CNTN5: variants seen among roughly 807,000 people sequenced by gnomAD.
CNTN5 encodes the protein contactin 5.
In CNTN5, 77 loss-of-function variants were observed where a neutral mutation model predicts 129.1. The observed-to-expected ratio is 0.60, with a 90% CI of 0.50 to 0.72. The LOEUF (loss-of-function observed/expected upper bound fraction) is 0.72, where lower values mean the gene tolerates loss of function less well. Among genes scored for constraint, CNTN5 ranks in the 30% least tolerant of loss-of-function variants. The pLI is 0.00. For synonymous variants in CNTN5, 509 were observed against 465.6 expected (o/e 1.09, Z -1.20); for missense variants, 1,478 against 1,328.8 (o/e 1.11, Z -1.75).
At chr11:99,699,063 A>G (rs1954401336) in intron 3 of CNTN5, among the ~76,000 whole-genome samples, 1 of 151,472 alleles carries the variant, frequency 6.6e-6, no homozygotes, top group South Asian at 2.1e-4. Flanking sequence ...ATCATGGTAT[A>G]TCTTTCATGA....
At chr11:99,240,653 G>GT (rs1227465095) in intron 1 of CNTN5, among the ~76,000 whole-genome samples, 3 of 151,960 alleles carry the variant, frequency 2.0e-5, no homozygotes, top group African/African-American at 7.3e-5. Flanking sequence ...CTTTTTAGAA[G>GT]TTTTTATCAT....
intron 1 of CNTN5, among the ~76,000 whole-genome samples, chr11:99,076,701 G>GT (rs1865591726): frequency 6.6e-6 from 1 of 151,768 alleles, no homozygotes; most frequent in South Asian, 2.1e-4. Context: ...GACATGATTT[G>GT]TTAAAAAAAA....
chr11:100,000,925 T>C (rs1939826290), intron 8 of CNTN5, among the ~76,000 whole-genome samples: 1 of 152,108 alleles, frequency 6.6e-6, no homozygotes, highest in South Asian at 2.1e-4. Flanking sequence ...TTGGAGCAGC[T>C]AGAACACGAG....
At chr11:99,748,281 A>G (rs1944122412) in intron 3 of CNTN5, among the ~76,000 whole-genome samples, 1 of 152,012 alleles carries the variant, frequency 6.6e-6, no homozygotes, top group Non-Finnish European at 1.5e-5. Context: ...AAATATTGGG[A>G]TTAATTATTC....
chr11:100,011,971 A>G (rs1334854652), intron 9 of CNTN5, among the ~76,000 whole-genome samples: 2 of 152,124 alleles, frequency 1.3e-5, no homozygotes, highest in Non-Finnish European at 2.9e-5. Context: ...TGATTTATTA[A>G]TACTGTTTAT....
chr11:100,156,456 A>T (rs930566951), intron 13 of CNTN5, among the ~76,000 whole-genome samples: 4 of 152,024 alleles, frequency 2.6e-5, no homozygotes, highest in Non-Finnish European at 4.4e-5. Flanking sequence ...TATCGGCCTG[A>T]AATTATCTTT....
chr11:99,608,824 A>T (rs1226390764), intron 3 of CNTN5, among the ~76,000 whole-genome samples: 1 of 152,212 alleles, frequency 6.6e-6, no homozygotes, highest in Non-Finnish European at 1.5e-5. Context: ...TTATGACAAG[A>T]ACAATGTGTG....
intron 8 of CNTN5, among the ~76,000 whole-genome samples, chr11:99,995,708 C>T (rs1939398169): frequency 6.6e-6 from 1 of 152,198 alleles, no homozygotes; most frequent in Admixed American, 6.5e-5. Flanking sequence ...ACAGTCTCCT[C>T]AGAGAAGCAT....
At chr11:100,246,810 G>A (rs1245632197) in intron 16 of CNTN5, among the ~76,000 whole-genome samples, 1 of 151,982 alleles carries the variant, frequency 6.6e-6, no homozygotes, top group East Asian at 1.9e-4. Flanking sequence ...TTAAGTCAAC[G>A]ACTACACTAA....
intron 1 of CNTN5, among the ~76,000 whole-genome samples, chr11:99,023,509 A>G (rs1275235066): frequency 6.6e-6 from 1 of 152,156 alleles, no homozygotes; most frequent in Non-Finnish European, 1.5e-5. Flanking sequence ...TTACTTCTAG[A>G]CAAAATAAAG....
chr11:99,217,277 TA>T (rs5793979), intron 1 of CNTN5, among the ~76,000 whole-genome samples: 116,030 of 152,036 alleles, frequency 0.76, 44,591 homozygotes, highest in East Asian at 0.99. Context: ...AGATCTGTCT[TA>T]AGACATTTAT....
chr11:99,748,530 A>G (rs1353372300), intron 3 of CNTN5, among the ~76,000 whole-genome samples: 6 of 152,138 alleles, frequency 3.9e-5, no homozygotes. Context: ...AAGCTGGAGA[A>G]CTAGAAAAGC....
chr11:99,272,039 C>T (rs577159145), intron 1 of CNTN5, among the ~76,000 whole-genome samples: 7 of 151,918 alleles, frequency 4.6e-5, no homozygotes, highest in Non-Finnish European at 1.0e-4. Context: ...TTCAGTCAAC[C>T]CTACAAGGTT....
chr11:100,182,029 A>G (rs1948152093), intron 13 of CNTN5, among the ~76,000 whole-genome samples: 1 of 152,082 alleles, frequency 6.6e-6, no homozygotes, highest in South Asian at 2.1e-4. Flanking sequence ...AGAGTAAAGT[A>G]AAAGGACTTA....
intron 17 of CNTN5, among the ~76,000 whole-genome samples, chr11:100,256,738 G>A (rs1044037805): frequency 2.0e-5 from 3 of 152,072 alleles, no homozygotes; most frequent in Non-Finnish European, 4.4e-5. Flanking sequence ...AGCTGTGAGA[G>A]ACTGTGTCAT....
chr11:99,103,768 A>G (rs994027294), intron 1 of CNTN5, among the ~76,000 whole-genome samples: 1 of 152,016 alleles, frequency 6.6e-6, no homozygotes, highest in Non-Finnish European at 1.5e-5. Context: ...GTCCTTCAAA[A>G]AAAAAAAAAA....
chr11:99,026,296 T>A (rs1167884083), intron 1 of CNTN5, among the ~76,000 whole-genome samples: 1 of 151,618 alleles, frequency 6.6e-6, no homozygotes, highest in Admixed American at 6.6e-5. Context: ...ACCTTCTTCT[T>A]CATATTCTTT....
chr11:100,134,932 T>G (rs12290970), intron 13 of CNTN5, among the ~76,000 whole-genome samples: 5,824 of 152,200 alleles, frequency 0.038, 358 homozygotes, highest in African/African-American at 0.13. Context: ...TCCCTCCAAT[T>G]AACTCATCTT....
chr11:99,930,699 T>G (rs1480271901), intron 7 of CNTN5, among the ~76,000 whole-genome samples: 1 of 152,170 alleles, frequency 6.6e-6, no homozygotes, highest in Admixed American at 6.5e-5. Flanking sequence ...TCATCAATTA[T>G]TTTGATTGAC....
Sources: allele counts gnomAD v4.1 joint callset (sites outside exome capture counted in the v4.1 genomes callset), GRCh38; gene constraint gnomAD v4.1.1; transcripts MANE v1.5; gene names NCBI Gene and HGNC (gene_info 2026-07-23, HGNC 2026-07-21).